ITGB3: variants seen among roughly 807,000 people sequenced by gnomAD.
ITGB3 encodes the protein integrin beta-3.
ITGB3 carries 48 observed loss-of-function variants against 85.8 expected under a neutral mutation model. The ratio of observed to expected loss-of-function variants is 0.56; its 90% CI spans 0.44 to 0.71. ITGB3 has a LOEUF of 0.71. Among genes scored for constraint, ITGB3 ranks in the 30% least tolerant of loss-of-function variants. The pLI is 0.00. For synonymous variants in ITGB3, 363 were observed against 395.6 expected (o/e 0.92, Z 0.98); for missense variants, 861 against 1,019.1 (o/e 0.84, Z 2.11).
At chr17:47,290,361 G>T in intron 8 of ITGB3, 87 bp downstream of exon 8, 2 of 1,125,570 alleles carry the variant, frequency 1.8e-6, no homozygotes, top group Non-Finnish European at 1.4e-6. Flanking sequence ...AGTCCCAGTT[G>T]CCAGTCTACC....
At position 47,291,126 on chromosome 17, in the gene ITGB3, C is replaced by A. The variant is rs749670367; in HGVS notation, c.1260+38C>A. On this transcript the variant is annotated intron_variant, in intron 9 of 14. Transcript: ENST00000559488. ...GGGCAGGGCCTTTGTCCTGGAGCAT[C>A]TGTGGGCACCCAACCCCCTTTCTTC... 7.4e-6 allele frequency: 12 copies of A among 1,613,372 alleles called. No individual in the cohort carries two copies. In the South Asian group the frequency reaches 1.3e-4, roughly 18 times the overall value.
At chr17:47,293,118 G>A (rs1302610866) in intron 10 of ITGB3, among the ~76,000 whole-genome samples, 1 of 152,156 alleles carries the variant, frequency 6.6e-6, no homozygotes, top group Non-Finnish European at 1.5e-5. Context: ...GTAGCTAGTG[G>A]CTGCTATATT....
intron 10 of ITGB3, among the ~76,000 whole-genome samples, chr17:47,298,346 T>TGA (rs2065153396): frequency 6.6e-6 from 1 of 152,214 alleles, no homozygotes; most frequent in Non-Finnish European, 1.5e-5. Flanking sequence ...ATTCATGGGA[T>TGA]TTGTTTAACT....
chr17:47,273,428 C>T (rs576998362), intron 1 of ITGB3, among the ~76,000 whole-genome samples: 12 of 152,192 alleles, frequency 7.9e-5, no homozygotes, highest in Non-Finnish European at 1.6e-4. Flanking sequence ...CTGGCTGGAG[C>T]AGGAATGCTG....
intron 4 of ITGB3, 51 bp downstream of exon 4, chr17:47,284,746 C>T (rs150625842): frequency 2.8e-4 from 444 of 1,610,636 alleles, no homozygotes; most frequent in Admixed American, 1.7e-3. Flanking sequence ...CCAGGAAGGT[C>T]CAAGTCCTGG....
intron 13 of ITGB3, 89 bp downstream of exon 13, chr17:47,302,929 A>C: frequency 6.7e-7 from 1 of 1,496,290 alleles, no homozygotes; most frequent in Non-Finnish European, 9.2e-7. Context: ...CGAAGCTGTT[A>C]AGCAAAACAG....
At chr17:47,306,608 A>G (rs1358387081) in intron 13 of ITGB3, among the ~76,000 whole-genome samples, 1 of 152,124 alleles carries the variant, frequency 6.6e-6, no homozygotes, top group African/African-American at 2.4e-5. Flanking sequence ...CTAATATGAA[A>G]TTTTAGGGGG....
chr17:47,287,911 CTTTTTTTTTTTTTTTTTTT>C (rs60463106), intron 6 of ITGB3, among the ~76,000 whole-genome samples: 11 of 55,390 alleles, frequency 2.0e-4, no homozygotes, highest in South Asian at 7.6e-4. Context: ...ACCACCCCTG[CTTTTTTTTTTTTTTTTTTT>C]TTTTTTTTTT....
At position 47,286,316 on chromosome 17, in the gene ITGB3, A is replaced by T; in HGVS notation, c.671A>T (p.Asp224Val). 3 of 1,614,204 alleles carry T rather than the reference A, an allele frequency of 1.9e-6. No individual in the cohort carries two copies. Among genetic ancestry groups the T allele is most frequent in the Non-Finnish European group, 2.5e-6 (3 of 1,180,036 alleles). The change falls in exon 5 of 15, where the codon GAC becomes GTC. Residue 224 changes from aspartate to valine, a missense_variant. Coordinates refer to ENST00000559488, the MANE Select transcript of ITGB3 (RefSeq NM_000212.3). ...FGYKHVLTLT[D>V]QVTRFNEEVK... is the part of the protein sequence containing the mutation. ...TACAAACACGTGCTGACGCTAACTG[A>T]CCAGGTGACCCGCTTCAATGAGGAA...
Position 47,312,901 on chromosome 17 carries a change from CTT to C in ITGB3, c.*2699_*2700del, listed in dbSNP as rs72120955. On this transcript the variant is annotated 3_prime_UTR_variant, in exon 15 of 15. Transcript: ENST00000559488. ...AGGATCTGTGGACAATAACGGAAAA[CTT>C]TGAATATTCCTGACAAGTTGCCATA... Among the ~76,000 whole-genome samples, 1,527 of 152,268 alleles carry C rather than the reference CTT, an allele frequency of 0.01. 29 individuals are homozygous for C. Among genetic ancestry groups the C allele is most frequent in the African/African-American group, 0.033 (1,387 of 41,540 alleles).
intron 6 of ITGB3, 48 bp from the exon 7 acceptor site, chr17:47,289,633 G>A: frequency 1.5e-6 from 2 of 1,325,690 alleles, no homozygotes; most frequent in Non-Finnish European, 2.2e-6. Flanking sequence ...TTAGACCCTA[G>A]AGATGTACAT....
intron 14 of ITGB3, among the ~76,000 whole-genome samples, chr17:47,309,765 T>C (rs997985207): frequency 1.3e-5 from 2 of 151,616 alleles, no homozygotes; most frequent in African/African-American, 4.8e-5. Flanking sequence ...CATGGTGGTG[T>C]GTGCCTGTAG....
intron 10 of ITGB3, among the ~76,000 whole-genome samples, chr17:47,298,206 G>A (rs767054030): frequency 2.9e-4 from 44 of 152,212 alleles, no homozygotes; most frequent in Non-Finnish European, 5.6e-4. Flanking sequence ...TGAGTCAACA[G>A]GGGCATGGGG....
At chr17:47,277,344 T>C (rs572553918) in intron 2 of ITGB3, among the ~76,000 whole-genome samples, 1 of 152,316 alleles carries the variant, frequency 6.6e-6, no homozygotes, top group South Asian at 2.1e-4. Flanking sequence ...ATATTTATGA[T>C]AGCAAGTTTG....
At chr17:47,270,882 C>T (rs1322742012) in intron 1 of ITGB3, among the ~76,000 whole-genome samples, 2 of 152,124 alleles carry the variant, frequency 1.3e-5, no homozygotes, top group Non-Finnish European at 2.9e-5. Flanking sequence ...GTTTAAATTG[C>T]CTGAGGAATT....
chr17:47,274,084 A>G (rs1275494344), intron 1 of ITGB3, among the ~76,000 whole-genome samples: 1 of 152,132 alleles, frequency 6.6e-6, no homozygotes, highest in Non-Finnish European at 1.5e-5. Flanking sequence ...AGATATTTTC[A>G]TTTGCACAAT....
At chr17:47,281,310 C>T (rs1203091735) in intron 2 of ITGB3, among the ~76,000 whole-genome samples, 1 of 152,156 alleles carries the variant, frequency 6.6e-6, no homozygotes, top group Non-Finnish European at 1.5e-5. Flanking sequence ...AAATAGGTCC[C>T]GGGAGGGGTT....
At chr17:47,273,043 G>A (rs2065051105) in intron 1 of ITGB3, among the ~76,000 whole-genome samples, 1 of 152,170 alleles carries the variant, frequency 6.6e-6, no homozygotes, top group Non-Finnish European at 1.5e-5. Context: ...CCAAAGTGGG[G>A]AGATTACAGG....
intron 1 of ITGB3, among the ~76,000 whole-genome samples, chr17:47,268,919 C>T (rs11651904): frequency 0.24 from 37,091 of 152,170 alleles, 4,648 homozygotes; most frequent in Non-Finnish European, 0.25. Context: ...TCTGCCTGGA[C>T]ATCCAGGTGT....
Sources: gnomAD v4.1 joint callset for allele counts (sites outside exome capture counted in the v4.1 genomes callset) on GRCh38, gnomAD v4.1.1 for gene constraint, MANE v1.5 for transcripts, NCBI Gene and HGNC (gene_info 2026-07-23, HGNC 2026-07-21) for gene names.